Variants in GALNTL6 observed in about 807,000 individuals in gnomAD.
GALNTL6 encodes the protein polypeptide N-acetylgalactosaminyltransferase-like 6.
A neutral mutation model predicts 73.7 loss-of-function variants in GALNTL6; 46 were observed. That is an observed-to-expected ratio of 0.62 (90% CI 0.49 to 0.80). The LOEUF (loss-of-function observed/expected upper bound fraction) is 0.80. Ranked by LOEUF, GALNTL6 falls within the 30% of genes least tolerant of loss-of-function variation. The probability of loss-of-function intolerance (pLI) is 0.00; values close to 1 mark genes in which losing one functional copy is unlikely to be tolerated. For missense variants in GALNTL6, 604 were observed against 755.0 expected, an observed-to-expected ratio of 0.80 and a Z score of 2.34; for synonymous variants, 259 against 263.7, an observed-to-expected ratio of 0.98 and a Z score of 0.17.
chr4:173,020,031 A>G (rs776740317), intron 11 of GALNTL6, among the ~76,000 whole-genome samples: 2 of 152,296 alleles, frequency 1.3e-5, no homozygotes, highest in African/African-American at 2.4e-5. Flanking sequence ...TTATTTTGCA[A>G]TTCACAGTTT....
intron 8 of GALNTL6, among the ~76,000 whole-genome samples, chr4:172,915,480 A>T (rs1362493801): frequency 6.6e-6 from 1 of 152,218 alleles, no homozygotes; most frequent in Non-Finnish European, 1.5e-5. Context: ...GAAAAGATCA[A>T]CAAAATAGAT....
At chr4:172,274,927 T>C (rs957773855) in intron 3 of GALNTL6, among the ~76,000 whole-genome samples, 12 of 152,326 alleles carry the variant, frequency 7.9e-5, no homozygotes, top group African/African-American at 2.4e-4. Flanking sequence ...ATGTTGAATC[T>C]TTTACATTTG....
At chr4:172,285,156 A>G (rs1739201834) in intron 3 of GALNTL6, among the ~76,000 whole-genome samples, 1 of 152,022 alleles carries the variant, frequency 6.6e-6, no homozygotes, top group East Asian at 1.9e-4. Context: ...CACTTCCTTG[A>G]TTAGAGAACT....
intron 2 of GALNTL6, among the ~76,000 whole-genome samples, chr4:172,185,588 CT>C (rs1185706973): frequency 6.6e-6 from 1 of 152,116 alleles, no homozygotes; most frequent in Non-Finnish European, 1.5e-5. Flanking sequence ...GATAAATCAT[CT>C]TTATAACTGG....
chr4:172,716,894 T>G (rs1735138492), intron 5 of GALNTL6, among the ~76,000 whole-genome samples: 1 of 152,218 alleles, frequency 6.6e-6, no homozygotes, highest in Admixed American at 6.5e-5. Context: ...CCTTGCATAG[T>G]TGGAGTTTAT....
At chr4:172,731,145 T>C (rs931349275) in intron 5 of GALNTL6, among the ~76,000 whole-genome samples, 2 of 151,992 alleles carry the variant, frequency 1.3e-5, no homozygotes, top group African/African-American at 4.8e-5. Context: ...TTTAAATATA[T>C]GGTATAATTC....
chr4:172,303,078 C>T (rs1739997890), intron 3 of GALNTL6, among the ~76,000 whole-genome samples: 1 of 152,130 alleles, frequency 6.6e-6, no homozygotes, highest in South Asian at 2.1e-4. Flanking sequence ...TGGCTCACTA[C>T]AACCTCTGCC....
At chr4:172,999,923 GT>G (rs1751970377) in intron 10 of GALNTL6, among the ~76,000 whole-genome samples, 1 of 151,960 alleles carries the variant, frequency 6.6e-6, no homozygotes, top group Admixed American at 6.6e-5. Context: ...TCTAAAACAA[GT>G]TTTTGTTCTC....
intron 5 of GALNTL6, among the ~76,000 whole-genome samples, chr4:172,567,956 T>C (rs1377906686): frequency 2.0e-5 from 3 of 152,194 alleles, no homozygotes; most frequent in Non-Finnish European, 4.4e-5. Context: ...AGATATCTTA[T>C]TACAAAATTA....
intron 2 of GALNTL6, among the ~76,000 whole-genome samples, chr4:171,924,211 C>A (rs1051815716): frequency 2.7e-5 from 4 of 149,920 alleles, no homozygotes; most frequent in African/African-American, 5.0e-5. Context: ...CACACACACA[C>A]ACAAACACAC....
At chr4:172,405,977 A>G (rs996596647) in intron 5 of GALNTL6, among the ~76,000 whole-genome samples, 1 of 151,990 alleles carries the variant, frequency 6.6e-6, no homozygotes, top group African/African-American at 2.4e-5. Flanking sequence ...ATATATTTTT[A>G]AGTAATGTTA....
intron 2 of GALNTL6, among the ~76,000 whole-genome samples, chr4:171,968,102 G>A (rs867510955): frequency 3.3e-5 from 5 of 151,976 alleles, no homozygotes; most frequent in Non-Finnish European, 7.4e-5. Context: ...TCTTCTGCCT[G>A]TTATCTTCCC....
At chr4:172,235,078 C>G (rs974436084) in intron 3 of GALNTL6, among the ~76,000 whole-genome samples, 6 of 152,082 alleles carry the variant, frequency 3.9e-5, no homozygotes, top group Non-Finnish European at 7.4e-5. Context: ...CAAATTTATT[C>G]ACATATTCTT....
chr4:172,841,667 C>T (rs1306295184), intron 7 of GALNTL6, among the ~76,000 whole-genome samples: 2 of 152,094 alleles, frequency 1.3e-5, no homozygotes, highest in African/African-American at 2.4e-5. Context: ...GAAAAACTAC[C>T]ATTTATAAAA....
intron 5 of GALNTL6, among the ~76,000 whole-genome samples, chr4:172,688,727 G>A (rs1733081709): frequency 6.6e-6 from 1 of 152,178 alleles, no homozygotes; most frequent in Admixed American, 6.5e-5. Flanking sequence ...TATGGAAATG[G>A]CTCTCCCCAG....
intron 5 of GALNTL6, among the ~76,000 whole-genome samples, chr4:172,434,885 G>A (rs542711114): frequency 4.6e-5 from 7 of 151,848 alleles, no homozygotes; most frequent in East Asian, 3.9e-4. Context: ...TTATTTTCAC[G>A]TCTATATTTT....
intron 5 of GALNTL6, among the ~76,000 whole-genome samples, chr4:172,689,304 G>A (rs1039670331): frequency 2.0e-5 from 3 of 152,072 alleles, no homozygotes; most frequent in Admixed American, 6.5e-5. Flanking sequence ...AAAATACTTC[G>A]CTATTATTTA....
intron 2 of GALNTL6, among the ~76,000 whole-genome samples, chr4:171,975,584 C>A (rs546820856): frequency 1.6e-4 from 24 of 148,914 alleles, no homozygotes; most frequent in Non-Finnish European, 2.8e-4. Context: ...AAAAGACATA[C>A]TAGAGAAAAG....
chr4:171,918,866 C>G (rs1207843661), intron 2 of GALNTL6, among the ~76,000 whole-genome samples: 1 of 151,948 alleles, frequency 6.6e-6, no homozygotes, highest in Non-Finnish European at 1.5e-5. Context: ...AGGACATATG[C>G]TAAATGAAAT....
Sources: gnomAD v4.1 joint callset for allele counts (sites outside exome capture counted in the v4.1 genomes callset) on GRCh38, gnomAD v4.1.1 for gene constraint, MANE v1.5 for transcripts, NCBI Gene and HGNC (gene_info 2026-07-23, HGNC 2026-07-21) for gene names.